Variants in TMTC2 observed in about 807,000 individuals in gnomAD.
TMTC2 encodes protein O-mannosyl-transferase TMTC2.
A neutral mutation model predicts 82.4 loss-of-function variants in TMTC2; 43 were observed. The observed-to-expected ratio is 0.52, with a 90% CI of 0.41 to 0.67. TMTC2 has a LOEUF of 0.67. TMTC2 is among the 30% of genes least tolerant of loss of function. The pLI is 0.00. For synonymous variants in TMTC2, 408 were observed against 381.9 expected (o/e 1.07, Z -0.80); for missense variants, 919 against 1,012.4 (o/e 0.91, Z 1.25).
intron 1 of TMTC2, among the ~76,000 whole-genome samples, chr12:82,809,234 G>A (rs1214179266): frequency 6.6e-6 from 1 of 151,848 alleles, no homozygotes; most frequent in Non-Finnish European, 1.5e-5. Context: ...ATTGTTCTTG[G>A]TTATATATTT....
chr12:82,916,100 C>G (rs918781149), intron 3 of TMTC2, among the ~76,000 whole-genome samples: 1 of 152,082 alleles, frequency 6.6e-6, no homozygotes, highest in African/African-American at 2.4e-5. Context: ...ATGGGCTATG[C>G]GATCAGCCAT....
chr12:83,032,255 TTTTATATATA>T (rs1881459480), intron 9 of TMTC2, among the ~76,000 whole-genome samples: 2 of 85,724 alleles, frequency 2.3e-5, no homozygotes, highest in African/African-American at 1.0e-4. Flanking sequence ...ATAGAGAATA[TTTTATATATA>T]TATATATATA....
intron 11 of TMTC2, among the ~76,000 whole-genome samples, chr12:83,094,448 A>G (rs1883954476): frequency 6.6e-6 from 1 of 152,230 alleles, no homozygotes; most frequent in Non-Finnish European, 1.5e-5. Context: ...AAACCATGCA[A>G]ATCAGCGGCG....
At chr12:83,045,751 A>ACACACACACACACACACACACACT (rs1565867415) in intron 9 of TMTC2, among the ~76,000 whole-genome samples, 1 of 138,100 alleles carries the variant, frequency 7.2e-6, no homozygotes. Flanking sequence ...ACACACACAC[A>ACACACACACACACACACACACACT]CCAGGAGTGT....
At chr12:83,067,319 A>T (rs1264022604) in intron 11 of TMTC2, among the ~76,000 whole-genome samples, 1 of 152,034 alleles carries the variant, frequency 6.6e-6, no homozygotes, top group Admixed American at 6.6e-5. Context: ...GATGTTTGGA[A>T]ATAAATATTT....
chr12:83,070,967 A>G (rs1451555588), intron 11 of TMTC2, among the ~76,000 whole-genome samples: 2 of 151,946 alleles, frequency 1.3e-5, no homozygotes, highest in African/African-American at 2.4e-5. Context: ...TTTGTTTTCA[A>G]TTCTGTTTAT....
intron 8 of TMTC2, among the ~76,000 whole-genome samples, chr12:82,993,776 C>CGGGT (rs1879499088): frequency 1.3e-5 from 2 of 152,040 alleles, no homozygotes; most frequent in Non-Finnish European, 2.9e-5. Flanking sequence ...GGCTGGCGTG[C>CGGGT]GGGTGGTAAA....
chr12:82,955,217 T>G (rs1341816925), intron 4 of TMTC2, among the ~76,000 whole-genome samples: 1 of 152,184 alleles, frequency 6.6e-6, no homozygotes, highest in Non-Finnish European at 1.5e-5. Context: ...ATTCCCCAAG[T>G]TGTGACAAGC....
At chr12:83,113,660 C>T (rs1268922635) in intron 11 of TMTC2, among the ~76,000 whole-genome samples, 1 of 152,176 alleles carries the variant, frequency 6.6e-6, no homozygotes, top group Non-Finnish European at 1.5e-5. Flanking sequence ...GTTTGGTGTG[C>T]CCTGATGGAA....
intron 1 of TMTC2, among the ~76,000 whole-genome samples, chr12:82,721,226 C>T (rs551269726): frequency 9.2e-5 from 14 of 152,266 alleles, no homozygotes; most frequent in Admixed American, 2.6e-4. Flanking sequence ...AGAGTATTTA[C>T]TTGCATGTTG....
intron 2 of TMTC2, among the ~76,000 whole-genome samples, chr12:82,882,777 G>T (rs559308479): frequency 1.1e-4 from 16 of 152,100 alleles, no homozygotes; most frequent in Admixed American, 1.0e-3. Flanking sequence ...ATAGTCTAGG[G>T]TGCGTGCAGT....
chr12:82,958,354 CAAAAAA>C (rs750819932), intron 4 of TMTC2, among the ~76,000 whole-genome samples: 5 of 19,954 alleles, frequency 2.5e-4, no homozygotes, highest in Non-Finnish European at 3.7e-4. Context: ...GAGTCTGTCT[CAAAAAA>C]AAAAAAAAAA....
intron 1 of TMTC2, among the ~76,000 whole-genome samples, chr12:82,747,783 A>G (rs1262311427): frequency 3.3e-5 from 5 of 152,162 alleles, no homozygotes; most frequent in Non-Finnish European, 7.3e-5. Flanking sequence ...CTTTCTTTTT[A>G]GCAACTATTT....
chr12:82,752,147 C>CATTTTTTTTTT lies in TMTC2; in HGVS notation c.83+64478_83+64479insATTTTTTTTTT. 1.5e-5 allele frequency among the ~76,000 whole-genome samples: 2 copies of CATTTTTTTTTT among 137,928 alleles called. 1 individual carries two copies. The highest frequency in any genetic ancestry group is 5.6e-5 in the African/African-American group (2 of 35,846). 90.5% of individuals were successfully genotyped at this position (137,928 alleles called of 152,430 possible). A position where few individuals can be genotyped will look rare whatever the true frequency, so the allele number is the denominator to read the frequency against. ...ATGTTTTTATATTTATTGGAAGCTCCTTTTTTTTTTTTTTTTTTTCTGAAG... is the reference window on the plus strand; with the variant it reads ...ATGTTTTTATATTTATTGGAAGCTCCATTTTTTTTTTTTTTTTTTTTTTTTTTTTTCTGAAG... On this transcript the variant is annotated intron_variant, in intron 1 of 11. Transcript: ENST00000321196.
chr12:82,893,369 CAA>C lies in TMTC2; in HGVS notation c.655-2435_655-2434del, dbSNP rs71443447. 1.4e-3 allele frequency among the ~76,000 whole-genome samples: 177 copies of C among 122,628 alleles called. 1 individual carries two copies. Among genetic ancestry groups the C allele is most frequent in the African/African-American group, 2.7e-3 (91 of 33,908 alleles). The allele number at this position is 122,628 out of a possible 152,430, so 80.4% of individuals were successfully genotyped here. A position where few individuals can be genotyped will look rare whatever the true frequency, so the allele number is the denominator to read the frequency against. ...CTGGCGACAGAGCAAGACTCTATCT[CAA>C]AAAAAAAAAAAAAGAAAAGAAAAGA... On this transcript the variant is annotated intron_variant, in intron 2 of 11. Coordinates refer to ENST00000321196, the MANE Select transcript of TMTC2 (RefSeq NM_152588.3).
At chr12:83,000,712 C>G (rs1879882310) in intron 8 of TMTC2, among the ~76,000 whole-genome samples, 1 of 152,210 alleles carries the variant, frequency 6.6e-6, no homozygotes, top group Non-Finnish European at 1.5e-5. Context: ...AGTGGGGACT[C>G]TATGGGGACT....
intron 1 of TMTC2, among the ~76,000 whole-genome samples, chr12:82,851,265 AC>A (rs564916770): frequency 3.9e-4 from 59 of 152,068 alleles, no homozygotes; most frequent in South Asian, 8.3e-4. Context: ...CCCCATCTCT[AC>A]TAAAAATACA....
intron 2 of TMTC2, among the ~76,000 whole-genome samples, chr12:82,867,493 A>C (rs1393068732): frequency 6.6e-6 from 1 of 152,228 alleles, no homozygotes; most frequent in Non-Finnish European, 1.5e-5. Flanking sequence ...CTTAGTTCCT[A>C]CTTAAGGGAG....
intron 1 of TMTC2, among the ~76,000 whole-genome samples, chr12:82,721,541 G>A (rs1466554960): frequency 2.0e-5 from 3 of 152,080 alleles, no homozygotes; most frequent in Non-Finnish European, 2.9e-5. Flanking sequence ...CTCCCATTAT[G>A]CAGTGAACCT....
Sources: allele counts gnomAD v4.1 joint callset (sites outside exome capture counted in the v4.1 genomes callset), GRCh38; gene constraint gnomAD v4.1.1; transcripts MANE v1.5; gene names NCBI Gene and HGNC (gene_info 2026-07-23, HGNC 2026-07-21).